The following WDSUB1 variants were observed in gnomAD, a reference collection of about 807,000 sequenced individuals.
WDSUB1 encodes WD repeat, SAM and U-box domain-containing protein 1.
Under a neutral mutation model 53.9 loss-of-function variants are expected in WDSUB1, and 49 were observed. That is an observed-to-expected ratio of 0.91 (90% confidence interval 0.72 to 1.15). The LOEUF (loss-of-function observed/expected upper bound fraction) is 1.15, where lower values mean the gene tolerates loss of function less well. WDSUB1 is among the 50% of genes most tolerant of loss of function. The pLI is 0.00. For missense variants in WDSUB1, 514 were observed against 562.0 expected (o/e 0.91, Z 0.86); for synonymous variants, 194 against 200.6 (o/e 0.97, Z 0.28).
chr2:159,250,411 C>A lies in WDSUB1; in HGVS notation c.1133-1899G>T, dbSNP rs146825096. On this transcript the variant is annotated intron_variant, in intron 9 of 10. Coordinates refer to ENST00000359774, the MANE Select transcript of WDSUB1 (RefSeq NM_001128212.3). ...TAACTTAAAAAGATTCCCTCAAATT[C>A]TTTATGAAATCACCATCCAGTTTCA... 1.6e-4 allele frequency among the ~76,000 whole-genome samples: 25 copies of A among 152,260 alleles called. 1 individual carries two copies. The East Asian group carries it at 3.9e-3, about 23-fold the overall frequency.
chr2:159,281,390 C>T (rs2061660687), intron 2 of WDSUB1, among the ~76,000 whole-genome samples: 1 of 152,162 alleles, frequency 6.6e-6, no homozygotes, highest in African/African-American at 2.4e-5. Flanking sequence ...AGGCACACGC[C>T]ACCACGCCTA....
chr2:159,271,095 A>G (rs894913179), intron 5 of WDSUB1, among the ~76,000 whole-genome samples: 1 of 152,234 alleles, frequency 6.6e-6, no homozygotes, highest in African/African-American at 2.4e-5. Context: ...CTAGGATACA[A>G]AACAACACTG....
intron 10 of WDSUB1, among the ~76,000 whole-genome samples, 173 bp from the exon 11 acceptor site, chr2:159,236,363 C>CATTG (rs1265744244): frequency 1.3e-5 from 2 of 152,158 alleles, no homozygotes; most frequent in Non-Finnish European, 2.9e-5. Flanking sequence ...ACCTGAAATG[C>CATTG]ATTGATTGGA....
chr2:159,236,650 G>A (rs1290617784), intron 10 of WDSUB1, among the ~76,000 whole-genome samples: 2 of 149,556 alleles, frequency 1.3e-5, no homozygotes, highest in Admixed American at 6.6e-5. Flanking sequence ...AAGGGACTTA[G>A]GTTTTTTTGT....
chr2:159,267,373 T>A (rs2061366439), intron 5 of WDSUB1, among the ~76,000 whole-genome samples: 1 of 151,296 alleles, frequency 6.6e-6, no homozygotes, highest in Non-Finnish European at 1.5e-5. Flanking sequence ...TGATCATAGG[T>A]TGCTGCAGCC....
chr2:159,237,406 A>G, intron 10 of WDSUB1, among the ~76,000 whole-genome samples: 1 of 152,120 alleles, frequency 6.6e-6, no homozygotes, highest in East Asian at 1.9e-4. Context: ...CTGTAATTCC[A>G]GCTACTCAGG....
chr2:159,261,320 T>C (rs1021933749), intron 5 of WDSUB1, among the ~76,000 whole-genome samples: 4 of 152,186 alleles, frequency 2.6e-5, no homozygotes, highest in Non-Finnish European at 5.9e-5. Context: ...GACTTGAGCA[T>C]CCACAGGTTT....
At chr2:159,261,890 ATATATATTTTTTTTTTTTTTTTTTTT>A (rs2061229337) in intron 5 of WDSUB1, among the ~76,000 whole-genome samples, 2 of 13,654 alleles carry the variant, frequency 1.5e-4, no homozygotes, top group African/African-American at 4.3e-4. Flanking sequence ...ATATATATAT[ATATATATTTTTTTTTTTTTTTTTTTT>A]TTTTTTTTTT....
chr2:159,257,991 A>G lies in WDSUB1; in HGVS notation c.805-6T>C. ...TGAAGTATATTCTCAGTATTCTGAA[A>G]AACAATAAAAACAGCTTTAAATTTA... is the stretch of plus-strand genomic sequence containing the variant. On this transcript the variant is annotated splice_polypyrimidine_tract_variant and splice_region_variant and intron_variant, in intron 6 of 10. Coordinates refer to ENST00000359774, the MANE Select transcript of WDSUB1 (RefSeq NM_001128212.3). The G allele has an allele frequency of 6.2e-7, 1 of 1,611,738 alleles. No individual in the cohort carries two copies. The highest frequency in any genetic ancestry group is 8.5e-7 in the Non-Finnish European group (1 of 1,179,344).
rs755375907 is a variant in WDSUB1 at position 159,271,779 on chromosome 2, A to C, written c.693T>G (p.Tyr231Ter). The C allele has an allele frequency of 6.8e-6, 11 of 1,613,846 alleles. No homozygotes were observed. The highest frequency in any genetic ancestry group is 9.3e-6 in the Non-Finnish European group (11 of 1,179,916). The change falls in exon 5 of 11, where the codon TAT becomes TAG. Residue 231 changes from tyrosine to a stop codon, truncating the protein, a stop_gained. Transcript: ENST00000359774. LOFTEE classifies it high-confidence loss of function. ...FTHILGFELK[Y>*]KSTLSGHCAP... ...CACAGTGCCCACTCAGTGTACTTTT[A>C]TATTTTAATTCAAAACCTGCAAATA...
At chr2:159,267,148 T>G (rs546619374) in intron 5 of WDSUB1, among the ~76,000 whole-genome samples, 1 of 152,204 alleles carries the variant, frequency 6.6e-6, no homozygotes, top group African/African-American at 2.4e-5. Flanking sequence ...ATGTTTATTA[T>G]ACATTTTGAT....
At chr2:159,261,462 T>C (rs79912643) in intron 5 of WDSUB1, among the ~76,000 whole-genome samples, 6,125 of 152,270 alleles carry the variant, frequency 0.04, 396 homozygotes, top group African/African-American at 0.14. Flanking sequence ...AGAAATAGTA[T>C]TGACAGCTAA....
intron 10 of WDSUB1, among the ~76,000 whole-genome samples, chr2:159,247,916 T>TATATATATAA (rs2060848830): frequency 1.4e-5 from 1 of 73,486 alleles, no homozygotes; most frequent in Non-Finnish European, 2.3e-5. Flanking sequence ...TATAAATATA[T>TATATATATAA]ATATATATAT....
At chr2:159,243,398 A>AGACTGTG (rs2060711343) in intron 10 of WDSUB1, among the ~76,000 whole-genome samples, 1 of 147,536 alleles carries the variant, frequency 6.8e-6, no homozygotes, top group South Asian at 2.1e-4. Flanking sequence ...AGACAGGATA[A>AGACTGTG]GACTGTGTAG....
At chr2:159,263,902 A>G in intron 5 of WDSUB1, among the ~76,000 whole-genome samples, 1 of 152,192 alleles carries the variant, frequency 6.6e-6, no homozygotes. Context: ...TAAATGCTTT[A>G]TCTGCATTTT....
At chr2:159,246,108 A>T (rs748131987) in intron 10 of WDSUB1, among the ~76,000 whole-genome samples, 4 of 152,192 alleles carry the variant, frequency 2.6e-5, no homozygotes, top group African/African-American at 9.7e-5. Context: ...GATGCTCAAC[A>T]TCATTAGTCA....
In WDSUB1 at chr2:159,248,418, T is replaced by C. The variant is rs775098866; in HGVS notation, c.1227A>G (p.Ile409Met). Reference protein sequence around the residue: ...SLSSGIPDEFICPITRELMKD... With the variant: ...SLSSGIPDEFMCPITRELMKD... ...TCATAAGTTCTCTAGTTATTGGACA[T>C]ATAAATTCATCAGGAATTCCTGAAG... Residue 409 changes from isoleucine to methionine, a missense_variant, in exon 10 of 11, where the codon ATA becomes ATG. Coordinates refer to ENST00000359774, the MANE Select transcript of WDSUB1 (RefSeq NM_001128212.3). 1.2e-5 allele frequency: 20 copies of C among 1,610,848 alleles called. No individual in the cohort carries two copies. Among genetic ancestry groups the C allele is most frequent in the Non-Finnish European group, 1.7e-5 (20 of 1,178,980 alleles).
At chr2:159,250,008 G>A (rs2060911815) in intron 9 of WDSUB1, among the ~76,000 whole-genome samples, 1 of 150,650 alleles carries the variant, frequency 6.6e-6, no homozygotes, top group Non-Finnish European at 1.5e-5. Context: ...AACTTCACTT[G>A]AACCCAGGAG....
intron 9 of WDSUB1, among the ~76,000 whole-genome samples, chr2:159,254,736 C>A (rs2061024276): frequency 6.6e-6 from 1 of 152,080 alleles, no homozygotes; most frequent in Non-Finnish European, 1.5e-5. Flanking sequence ...GAGAGATTAA[C>A]AAGAAATTAA....
Sources: gnomAD v4.1 joint callset for allele counts (sites outside exome capture counted in the v4.1 genomes callset) on GRCh38, gnomAD v4.1.1 for gene constraint, MANE v1.5 for transcripts, NCBI Gene and HGNC (gene_info 2026-07-23, HGNC 2026-07-21) for gene names.